Variants in MCRIP2 observed in about 807,000 individuals in gnomAD.
MCRIP2 encodes MAPK regulated corepressor interacting protein 2, also known as MAPK regulated co-repressor interacting protein 2.
A neutral mutation model predicts 23.2 loss-of-function variants in MCRIP2; 21 were observed. That is an observed-to-expected ratio of 0.90 (90% CI 0.64 to 1.30). The LOEUF is 1.30. MCRIP2 is among the 50% of genes most tolerant of loss of function. The pLI is 0.00. For synonymous variants in MCRIP2, 121 were observed against 100.2 expected (o/e 1.21, Z -1.24); for missense variants, 234 against 223.2 (o/e 1.05, Z -0.31).
At position 648,472 on chromosome 16, in the gene MCRIP2, G is replaced by A. The variant is rs1186575321; in HGVS notation, c.*282G>A. ...TCCAGGCTAATAAAGTGGAGAAACTGTCTTTTTGGAGTGTCTTTGACTTGG... is the reference window on the plus strand; with the variant it reads ...TCCAGGCTAATAAAGTGGAGAAACTATCTTTTTGGAGTGTCTTTGACTTGG... On this transcript the variant is annotated 3_prime_UTR_variant, in exon 5 of 5. Coordinates refer to ENST00000307650, the MANE Select transcript of MCRIP2 (RefSeq NM_138418.4). 1.2e-5 allele frequency: 6 copies of A among 497,970 alleles called. No individual in the cohort carries two copies. The highest frequency in any genetic ancestry group is 2.2e-5 in the Non-Finnish European group (6 of 277,114). The allele number at this position is 497,970 out of a possible 1,614,324, so 30.8% of individuals were successfully genotyped here.
Position 648,110 on chromosome 16 carries a change from C to G in MCRIP2, c.413-10C>G. The G allele has an allele frequency of 1.3e-6, 2 of 1,593,118 alleles. No individual in the cohort carries two copies. The highest frequency in any genetic ancestry group is 1.7e-6 in the Non-Finnish European group (2 of 1,166,784). On this transcript the variant is annotated splice_polypyrimidine_tract_variant and intron_variant, in intron 4 of 4. Transcript: ENST00000307650. ...AGGCAGCATCACTGCCCAGCCTTCT[C>G]TGCCCACAGACTTTGTGCCCATTGA...
chr16:647,092 ACCT>A (rs2037501535), intron 2 of MCRIP2: 2 of 341,920 alleles, frequency 5.8e-6, no homozygotes, highest in South Asian at 4.5e-5. Flanking sequence ...CAGCATGGGC[ACCT>A]GCAAGACCCT....
In MCRIP2 at chr16:641,950, G is replaced by A; in HGVS notation, c.-42G>A. 3.1e-6 allele frequency: 4 copies of A among 1,291,200 alleles called. No individual in the cohort carries two copies. The highest frequency in any genetic ancestry group is 3.9e-6 in the Non-Finnish European group (4 of 1,021,560). 80.0% of individuals were successfully genotyped at this position (1,291,200 alleles called of 1,614,324 possible). A position where few individuals can be genotyped will look rare whatever the true frequency, so the allele number is the denominator to read the frequency against. On this transcript the variant is annotated 5_prime_UTR_variant, in exon 1 of 5. Transcript: ENST00000307650. ...AAGTGCGAGCCCCGGCGCAGGGGCC[G>A]GATCTGGCCGGGGGCCGGCGGCGGT... is the stretch of plus-strand genomic sequence containing the variant.
chr16:644,191 C>T (rs902391941), intron 2 of MCRIP2, among the ~76,000 whole-genome samples: 3 of 152,206 alleles, frequency 2.0e-5, no homozygotes, highest in African/African-American at 7.2e-5. Context: ...AAGCGATCCT[C>T]CTGCCTCAGC....
intron 3 of MCRIP2, 42 bp downstream of exon 3, chr16:647,586 C>G (rs373837190): frequency 9.3e-6 from 15 of 1,605,376 alleles, no homozygotes; most frequent in Admixed American, 1.7e-5. Context: ...GCTGCTGGGT[C>G]GCAAAACCAT....
At chr16:647,307 C>T (rs1258521153) in intron 2 of MCRIP2, 110 bp from the exon 3 acceptor site, 9 of 1,505,298 alleles carry the variant, frequency 6.0e-6, no homozygotes, top group Non-Finnish European at 8.1e-6. Context: ...AGTGCCTAGG[C>T]TGGCCAAGTC....
rs1342090306 is a variant in MCRIP2, at chr16:646,392, A to G, written c.183-1025A>G. ...CCCATCTCCACCTGCACGTTTTAAG[A>G]TCCTCTGTGGCCACCAGACCCTGCC... On this transcript the variant is annotated intron_variant, in intron 2 of 4. Transcript: ENST00000307650. The surrounding 1 kb of genome is among the most constrained non-coding windows in gnomAD (Gnocchi z 6.5). The G allele has an allele frequency of 5.3e-5, 8 of 152,090 alleles. No individual in the cohort carries two copies. The highest frequency in any genetic ancestry group is 3.4e-3 in the Middle Eastern group (1 of 296). The allele number at this position is 152,090 out of a possible 1,614,324, so 9.4% of individuals were successfully genotyped here.
At position 648,429 on chromosome 16, in the gene MCRIP2, G is replaced by C; in HGVS notation, c.*239G>C. 1 of 564,486 alleles carries C rather than the reference G, an allele frequency of 1.8e-6. No homozygotes were observed. Among genetic ancestry groups the C allele is most frequent in the East Asian group, 3.0e-5 (1 of 33,592 alleles). The allele number at this position is 564,486 out of a possible 1,614,324, so 35.0% of individuals were successfully genotyped here. On this transcript the variant is annotated 3_prime_UTR_variant, in exon 5 of 5. Coordinates refer to ENST00000307650, the MANE Select transcript of MCRIP2 (RefSeq NM_138418.4). Reference sequence around the variant, plus strand: ...CCCAGGGACCAGCGACCAGCCCCTGGGGCTGGCAGGGAGGAGCTCCAGGCT... The same window carrying C: ...CCCAGGGACCAGCGACCAGCCCCTGCGGCTGGCAGGGAGGAGCTCCAGGCT...
chr16:647,917 AC>A, intron 4 of MCRIP2, 33 bp downstream of exon 4: 11 of 984,792 alleles, frequency 1.1e-5, no homozygotes, highest in Middle Eastern at 2.5e-4. Flanking sequence ...CCCAGGAGAG[AC>A]CCCCCAGCCC....
chr16:645,283 G>C (rs2037452819), intron 2 of MCRIP2: 2 of 151,078 alleles, frequency 1.3e-5, no homozygotes, highest in South Asian at 4.2e-4. Context: ...TTGAGACAGA[G>C]TCTTGCTCTG....
chr16:646,458 C>T lies in MCRIP2; in HGVS notation c.183-959C>T, dbSNP rs890171975. On this transcript the variant is annotated intron_variant, in intron 2 of 4. Coordinates refer to ENST00000307650, the MANE Select transcript of MCRIP2 (RefSeq NM_138418.4). This position sits in a 1 kb window ranked among gnomAD's most constrained non-coding sequence, Gnocchi z 6.5. Reference sequence around the variant, plus strand: ...AGGACCCTGCGCCCCTCAAGACACTCCTCTTTATTTTAGTGCCCCTCTCAG... The same window carrying T: ...AGGACCCTGCGCCCCTCAAGACACTTCTCTTTATTTTAGTGCCCCTCTCAG... 1.3e-5 allele frequency: 2 copies of T among 152,342 alleles called. No homozygotes were observed. Among genetic ancestry groups the T allele is most frequent in the South Asian group, 2.1e-4 (1 of 4,830 alleles). The allele number at this position is 152,342 out of a possible 1,614,324, so 9.4% of individuals were successfully genotyped here.
rs967362509 is a variant in MCRIP2, at chr16:642,186, C to T, written c.119C>T (p.Pro40Leu). 69 of 1,334,296 alleles carry T rather than the reference C, an allele frequency of 5.2e-5. 1 individual carries two copies. The highest frequency in any genetic ancestry group is 1.9e-6 in the Non-Finnish European group (2 of 1,039,044). 82.7% of individuals were successfully genotyped at this position (1,334,296 alleles called of 1,614,324 possible). The change falls in exon 2 of 5, where the codon CCG (proline) becomes CTG (leucine). Residue 40 changes from proline to leucine, a missense_variant. By Grantham distance (98) the Pro-to-Leu change is moderately conservative. Transcript: ENST00000307650. The part of the protein sequence containing the change: ...ELLKCRQPAP[P>L]TSQPPRAQPF... ...CTGAAATGCCGGCAGCCCGCGCCGC[C>T]GACCTCGCAGCCCCCGCGGGCGCAG...
intron 2 of MCRIP2, chr16:645,393 T>C (rs2037456757): frequency 6.6e-6 from 1 of 152,326 alleles, no homozygotes; most frequent in South Asian, 2.1e-4. Context: ...GTAGCTGGTA[T>C]TACAGGTGCC....
intron 2 of MCRIP2, chr16:642,907 T>A (rs2037386735): frequency 6.6e-6 from 1 of 152,582 alleles, no homozygotes; most frequent in African/African-American, 2.4e-5. Flanking sequence ...CCTTCATTTA[T>A]CCTGTGCCTC....
At position 642,130 on chromosome 16, in the gene MCRIP2, G is replaced by T; in HGVS notation, c.63G>T (p.Gln21His). The T allele has an allele frequency of 7.3e-7, 1 of 1,369,522 alleles. No individual in the cohort carries two copies. The highest frequency in any genetic ancestry group is 9.4e-7 in the Non-Finnish European group (1 of 1,060,086). 84.8% of individuals were successfully genotyped at this position (1,369,522 alleles called of 1,614,324 possible). A position where few individuals can be genotyped will look rare whatever the true frequency, so the allele number is the denominator to read the frequency against. Reference protein sequence around the residue: ...LVAQRRTGPTQQQVEGRLGEL... With the variant: ...LVAQRRTGPTHQQVEGRLGEL... ...CCCCGGTGCCCGCAGGTCCCACGCA[G>T]CAGCAGGTGGAGGGCCGGCTCGGCG... is the stretch of plus-strand genomic sequence containing the variant. The change falls in exon 2 of 5, where the codon CAG (glutamine) becomes CAT (histidine). Residue 21 changes from glutamine to histidine, a missense_variant. Coordinates refer to ENST00000307650, the MANE Select transcript of MCRIP2 (RefSeq NM_138418.4).
Position 642,144 on chromosome 16 carries a change from G to A in MCRIP2, c.77G>A (p.Gly26Asp), listed in dbSNP as rs951017442. The A allele has an allele frequency of 1.5e-6, 2 of 1,365,676 alleles. No individual in the cohort carries two copies. The highest frequency in any genetic ancestry group is 3.3e-5 in the East Asian group (1 of 30,664). The allele number at this position is 1,365,676 out of a possible 1,614,324, so 84.6% of individuals were successfully genotyped here. Residue 26 changes from glycine (G) to aspartate (D), a missense_variant, in exon 2 of 5, where the codon GGC (glycine) becomes GAC (aspartate). By Grantham distance (94) the Gly-to-Asp change is moderately conservative. Coordinates refer to ENST00000307650, the MANE Select transcript of MCRIP2 (RefSeq NM_138418.4). Reference protein sequence around the residue: ...RTGPTQQQVEGRLGELLKCRQ... With the variant: ...RTGPTQQQVEDRLGELLKCRQ... ...GGTCCCACGCAGCAGCAGGTGGAGGGCCGGCTCGGCGAGCTCCTGAAATGC... is the reference window on the plus strand; with the variant it reads ...GGTCCCACGCAGCAGCAGGTGGAGGACCGGCTCGGCGAGCTCCTGAAATGC...
chr16:642,308 C>G (rs977257450), intron 2 of MCRIP2, 59 bp downstream of exon 2: 1 of 1,138,790 alleles, frequency 8.8e-7, no homozygotes, highest in African/African-American at 1.6e-5. Context: ...CGCCGGCCGC[C>G]CTAGAGCGGA....
intron 2 of MCRIP2, among the ~76,000 whole-genome samples, chr16:644,323 C>T (rs991194316): frequency 7.2e-5 from 11 of 152,122 alleles, no homozygotes; most frequent in African/African-American, 2.4e-4. Flanking sequence ...TCCGGTGATG[C>T]GCCCACCTCG....
Position 641,952 on chromosome 16 carries a change from A to G in MCRIP2, c.-40A>G. 7.7e-7 allele frequency: 1 copy of G among 1,295,358 alleles called. No homozygotes were observed. Among genetic ancestry groups the G allele is most frequent in the South Asian group, 2.3e-5 (1 of 44,234 alleles). The allele number at this position is 1,295,358 out of a possible 1,614,324, so 80.2% of individuals were successfully genotyped here. A position where few individuals can be genotyped will look rare whatever the true frequency, so the allele number is the denominator to read the frequency against. ...GTGCGAGCCCCGGCGCAGGGGCCGG[A>G]TCTGGCCGGGGGCCGGCGGCGGTGT... On this transcript the variant is annotated 5_prime_UTR_variant, in exon 1 of 5. Coordinates refer to ENST00000307650, the MANE Select transcript of MCRIP2 (RefSeq NM_138418.4).
Sources: allele counts gnomAD v4.1 joint callset (sites outside exome capture counted in the v4.1 genomes callset), GRCh38; gene constraint gnomAD v4.1.1; non-coding constraint Gnocchi (gnomAD v3.1); transcripts MANE v1.5; gene names NCBI Gene and HGNC (gene_info 2026-07-23, HGNC 2026-07-21).